Variants in NKD1 observed in about 807,000 individuals in gnomAD.
NKD1 encodes NKD inhibitor of Wnt signaling pathway 1.
Under a neutral mutation model 56.0 loss-of-function variants are expected in NKD1, and 21 were observed. The observed-to-expected ratio is 0.38, with a 90% CI of 0.27 to 0.54. The LOEUF is 0.54. NKD1 is among the 20% of genes least tolerant of loss of function. The pLI is 0.82. For missense variants in NKD1, 578 were observed against 642.7 expected (o/e 0.90, Z 1.09); for synonymous variants, 263 against 265.7 (o/e 0.99, Z 0.10).
Position 50,637,868 on chromosome 16 carries a change from A to C in NKD1, c.*4087A>C, listed in dbSNP as rs1962502536. The C allele has an allele frequency of 6.6e-6, 1 of 152,088 alleles. No individual in the cohort carries two copies. The highest frequency in any genetic ancestry group is 1.5e-5 in the Non-Finnish European group (1 of 68,078). The allele number at this position is 152,088 out of a possible 1,614,324, so 9.4% of individuals were successfully genotyped here. ...GGATGCCGATTTCTGCTGATCTGTC[A>C]CTGGGTACCGAGGACTGGGTGTGTT... On this transcript the variant is annotated 3_prime_UTR_variant, in exon 10 of 10. Coordinates refer to ENST00000268459, the MANE Select transcript of NKD1 (RefSeq NM_033119.5).
At chr16:50,570,465 A>C (rs911928338) in intron 3 of NKD1, among the ~76,000 whole-genome samples, 3 of 152,224 alleles carry the variant, frequency 2.0e-5, no homozygotes, top group Non-Finnish European at 4.4e-5. Context: ...ACTGAGATAC[A>C]CTGTACTGGC....
intron 3 of NKD1, among the ~76,000 whole-genome samples, chr16:50,559,041 T>C (rs1209237504): frequency 6.6e-6 from 1 of 152,256 alleles, no homozygotes; most frequent in Non-Finnish European, 1.5e-5. Context: ...TTCCTGGGTC[T>C]GAGTCCCAGC....
intron 3 of NKD1, among the ~76,000 whole-genome samples, chr16:50,594,139 G>A (rs935320245): frequency 7.6e-6 from 1 of 130,806 alleles, no homozygotes; most frequent in Non-Finnish European, 1.6e-5. Context: ...ATGGGGAGGG[G>A]GTTTCCTGAA....
rs530357022 is a variant in NKD1, at chr16:50,598,668, C to T, written c.193-9626C>T. ...CCCAGCTGCTTGGTGATCAGAGGCACGCCACAGGCCCTCGGGCCTCTCCTC... is the reference window on the plus strand; with the variant it reads ...CCCAGCTGCTTGGTGATCAGAGGCATGCCACAGGCCCTCGGGCCTCTCCTC... On this transcript the variant is annotated intron_variant, in intron 3 of 9. Coordinates refer to ENST00000268459, the MANE Select transcript of NKD1 (RefSeq NM_033119.5). The surrounding 1 kb of genome is among the most constrained non-coding windows in gnomAD (Gnocchi z 4.2). 6.6e-5 allele frequency among the ~76,000 whole-genome samples: 10 copies of T among 152,286 alleles called. No homozygotes were observed. Among genetic ancestry groups the T allele is most frequent in the African/African-American group, 1.9e-4 (8 of 41,546 alleles).
At chr16:50,582,068 C>T (rs925626232) in intron 3 of NKD1, among the ~76,000 whole-genome samples, 3 of 152,168 alleles carry the variant, frequency 2.0e-5, no homozygotes, top group African/African-American at 7.2e-5. Flanking sequence ...CATCGTAAGG[C>T]AGCTCATGGA....
chr16:50,550,819 T>C (rs1321137626), intron 3 of NKD1, among the ~76,000 whole-genome samples: 1 of 152,222 alleles, frequency 6.6e-6, no homozygotes, highest in African/African-American at 2.4e-5. Flanking sequence ...TTTAGCCGTA[T>C]GAACAAATGC....
Position 50,640,006 on chromosome 16 carries a change from C to T in NKD1, c.*6225C>T, listed in dbSNP as rs1001198978. The T allele has an allele frequency of 1.3e-5, 2 of 152,322 alleles. No individual in the cohort carries two copies. Among genetic ancestry groups the T allele is most frequent in the Non-Finnish European group, 2.9e-5 (2 of 68,048 alleles). The allele number at this position is 152,322 out of a possible 1,614,324, so 9.4% of individuals were successfully genotyped here. ...CTGTACTGCAAACTCAGGCTTGGTT[C>T]CAAGCTTATGGGGGCCCTGTCCTTC... On this transcript the variant is annotated 3_prime_UTR_variant, in exon 10 of 10. Transcript: ENST00000268459.
Position 50,633,621 on chromosome 16 carries a change from C to A in NKD1, c.1253C>A (p.Ala418Glu). 6.2e-7 allele frequency: 1 copy of A among 1,609,704 alleles called. No homozygotes were observed. Among genetic ancestry groups the A allele is most frequent in the Non-Finnish European group, 8.5e-7 (1 of 1,178,706 alleles). Residue 418 changes from alanine to glutamate, a missense_variant, in exon 10 of 10, where the codon GCA (alanine) becomes GAA (glutamate). By Grantham distance (107) the Ala-to-Glu change is moderately radical. Coordinates refer to ENST00000268459, the MANE Select transcript of NKD1 (RefSeq NM_033119.5). The surrounding 1 kb of genome is among the most constrained non-coding windows in gnomAD (Gnocchi z 4.9). ...CAGCAGGGCTGCCGGGGCCTGCAGG[C>A]ACCACTGGCCTCAGGTGGCCCTGTC... ...ESQQGCRGLQAPLASGGPVLG... is the reference protein window; with the variant it reads ...ESQQGCRGLQEPLASGGPVLG...
intron 3 of NKD1, among the ~76,000 whole-genome samples, chr16:50,567,665 C>T (rs1490225128): frequency 6.6e-6 from 1 of 152,204 alleles, no homozygotes; most frequent in Non-Finnish European, 1.5e-5. Flanking sequence ...GGCAGAGTCC[C>T]CGATCTCAAC....
chr16:50,549,485 A>G lies in NKD1; in HGVS notation c.122A>G (p.Gln41Arg), dbSNP rs1361056881. ...GGCATCGAGGAGTGGATCGGGAGAC[A>G]GCGCTGCCCGGGCGGTGTCTCGGGA... Reference protein sequence around the residue: ...RKGIEEWIGRQRCPGGVSGPR... With the variant: ...RKGIEEWIGRRRCPGGVSGPR... Residue 41 changes from glutamine (Q) to arginine (R), a missense_variant, in exon 3 of 10, where the codon CAG (glutamine) becomes CGG (arginine). Transcript: ENST00000268459. 3 of 1,609,946 alleles carry G rather than the reference A, an allele frequency of 1.9e-6. No individual in the cohort carries two copies. Among genetic ancestry groups the G allele is most frequent in the East Asian group, 2.2e-5 (1 of 44,450 alleles).
In NKD1 at chr16:50,615,992, G is replaced by A. The variant is rs113798212; in HGVS notation, c.260-5610G>A. 3.7e-3 allele frequency: 1,627 copies of A among 444,004 alleles called. 6 individuals are homozygous for A. Among genetic ancestry groups the A allele is most frequent in the Non-Finnish European group, 5.7e-3 (1,238 of 217,096 alleles). The allele number at this position is 444,004 out of a possible 1,614,324, so 27.5% of individuals were successfully genotyped here. ...CTTTTTACTGGCAGCAGATTTACCC[G>A]CCTAATTATATTTGGCAGAGGCTAA... On this transcript the variant is annotated intron_variant, in intron 4 of 9. Transcript: ENST00000268459.
chr16:50,576,799 G>T (rs953517462), intron 3 of NKD1, among the ~76,000 whole-genome samples: 1 of 147,526 alleles, frequency 6.8e-6, no homozygotes, highest in African/African-American at 2.5e-5. Context: ...GGGAAAAGAA[G>T]AAAGTTATTT....
chr16:50,602,208 G>A (rs1450912055), intron 3 of NKD1, among the ~76,000 whole-genome samples: 1 of 152,198 alleles, frequency 6.6e-6, no homozygotes, highest in Non-Finnish European at 1.5e-5. Context: ...AGAGGTATAT[G>A]TGAGAGACAT....
At position 50,549,497 on chromosome 16, in the gene NKD1, G is replaced by A; in HGVS notation, c.134G>A (p.Gly45Asp). Residue 45 changes from glycine (G) to aspartate (D), a missense_variant, in exon 3 of 10, where the codon GGC (glycine) becomes GAC (aspartate). By Grantham distance (94) the Gly-to-Asp change is moderately conservative (BLOSUM62 -1). Transcript: ENST00000268459. Reference protein sequence around the residue: ...EEWIGRQRCPGGVSGPRQLRL... With the variant: ...EEWIGRQRCPDGVSGPRQLRL... ...TGGATCGGGAGACAGCGCTGCCCGG[G>A]CGGTGTCTCGGGACCCCGACAGCTG... The A allele has an allele frequency of 6.2e-7, 1 of 1,609,440 alleles. No homozygotes were observed.
At chr16:50,585,673 C>T (rs933983252) in intron 3 of NKD1, among the ~76,000 whole-genome samples, 1 of 152,210 alleles carries the variant, frequency 6.6e-6, no homozygotes, top group African/African-American at 2.4e-5. Context: ...CCCTCAGAGT[C>T]TTGCATTCCT....
Position 50,632,138 on chromosome 16 carries a change from C to T in NKD1, c.696-143C>T. On this transcript the variant is annotated intron_variant, in intron 8 of 9. Coordinates refer to ENST00000268459, the MANE Select transcript of NKD1 (RefSeq NM_033119.5). This position sits in a 1 kb window ranked among gnomAD's most constrained non-coding sequence, Gnocchi z 4.1. Reference sequence around the variant, plus strand: ...ATGGAGGCACAGTTCGTATAGAGGACTGTTCCTCCCCACCCTCTCCAAAGG... The same window carrying T: ...ATGGAGGCACAGTTCGTATAGAGGATTGTTCCTCCCCACCCTCTCCAAAGG... 1.4e-6 allele frequency: 1 copy of T among 732,264 alleles called. No individual in the cohort carries two copies. The allele number at this position is 732,264 out of a possible 1,614,324, so 45.4% of individuals were successfully genotyped here.
In NKD1 at chr16:50,648,195, A is replaced by C. The variant is rs1234670555; in HGVS notation, c.*14414A>C. 2.0e-5 allele frequency: 3 copies of C among 152,490 alleles called. No homozygotes were observed. The highest frequency in any genetic ancestry group is 2.9e-5 in the Non-Finnish European group (2 of 68,130). The allele number at this position is 152,490 out of a possible 1,614,324, so 9.4% of individuals were successfully genotyped here. ...AAATGCCACACCATGGAAGCCACAC[A>C]CTCTGCTGTCTCCTTCTGTCCTCAT... On this transcript the variant is annotated 3_prime_UTR_variant, in exon 10 of 10. Coordinates refer to ENST00000268459, the MANE Select transcript of NKD1 (RefSeq NM_033119.5).
In NKD1 at chr16:50,604,951, C is replaced by T. The variant is rs150022878; in HGVS notation, c.193-3343C>T. Among the ~76,000 whole-genome samples the T allele has an allele frequency of 1.8e-4, 28 of 152,342 alleles. 1 individual carries two copies. Among genetic ancestry groups the T allele is most frequent in the Non-Finnish European group, 3.8e-4 (26 of 68,022 alleles). On this transcript the variant is annotated intron_variant, in intron 3 of 9. Coordinates refer to ENST00000268459, the MANE Select transcript of NKD1 (RefSeq NM_033119.5). ...ACCACTTACCCACTAGAGCTGCCAG[C>T]TGGGCTATTTTTCTTGCACTCCTTT... is the stretch of plus-strand genomic sequence containing the variant.
chr16:50,559,966 A>G (rs1450556039), intron 3 of NKD1, among the ~76,000 whole-genome samples: 1 of 151,966 alleles, frequency 6.6e-6, no homozygotes, highest in Non-Finnish European at 1.5e-5. Context: ...TGGGCCCCTC[A>G]CTCAGAGGCC....
Sources: gnomAD v4.1 joint callset for allele counts (sites outside exome capture counted in the v4.1 genomes callset) on GRCh38, gnomAD v4.1.1 for gene constraint, Gnocchi (gnomAD v3.1) non-coding constraint, MANE v1.5 for transcripts, NCBI Gene and HGNC (gene_info 2026-07-23, HGNC 2026-07-21) for gene names.